The following SEMA6D variants were observed in gnomAD, a reference collection of about 807,000 sequenced individuals.
The protein encoded by SEMA6D is semaphorin 6D.
In SEMA6D, 35 loss-of-function variants were observed where a neutral mutation model predicts 106.6. The observed-to-expected ratio is 0.33, with a 90% CI of 0.25 to 0.44. The LOEUF (loss-of-function observed/expected upper bound fraction) is 0.44. Ranked by LOEUF, SEMA6D falls within the 20% of genes least tolerant of loss-of-function variation. SEMA6D has a pLI of 1.00. For synonymous variants in SEMA6D, 499 were observed against 487.7 expected (o/e 1.02, Z -0.31); for missense variants, 1,185 against 1,345.9 (o/e 0.88, Z 1.87).
chr15:47,589,076 G>A (rs1359014756), intron 3 of SEMA6D, among the ~76,000 whole-genome samples: 3 of 152,164 alleles, frequency 2.0e-5, no homozygotes, highest in Non-Finnish European at 4.4e-5. Context: ...AATGAAAGGT[G>A]TTTCATGTTC....
chr15:47,672,446 G>A lies in SEMA6D; in HGVS notation c.-55+71550G>A, dbSNP rs114580309. Among the ~76,000 whole-genome samples, 947 of 152,290 alleles carry A rather than the reference G, an allele frequency of 6.2e-3. 11 individuals carry two copies. Among genetic ancestry groups the A allele is most frequent in the African/African-American group, 0.021 (893 of 41,556 alleles). On this transcript the variant is annotated intron_variant, in intron 4 of 19. Coordinates refer to the SEMA6D transcript ENST00000558014. ...GAAAAAGCCGAAGTTATACATAAAAGTCAATCACATGGTAACTTAAACTCT... is the reference window on the plus strand; with the variant it reads ...GAAAAAGCCGAAGTTATACATAAAAATCAATCACATGGTAACTTAAACTCT...
chr15:47,643,225 T>C (rs2077521813), intron 4 of SEMA6D, among the ~76,000 whole-genome samples: 1 of 152,238 alleles, frequency 6.6e-6, no homozygotes, highest in Non-Finnish European at 1.5e-5. Context: ...TGCAGAGGAC[T>C]CTTTAAGACT....
chr15:47,759,258 C>T (rs1219381147), intron 1 of SEMA6D, among the ~76,000 whole-genome samples: 1 of 152,086 alleles, frequency 6.6e-6, no homozygotes, highest in Non-Finnish European at 1.5e-5. Flanking sequence ...TTGGCAACAC[C>T]ATAAGCAAAG....
At chr15:47,722,409 G>A (rs73394829) in intron 1 of SEMA6D, among the ~76,000 whole-genome samples, 452 of 152,212 alleles carry the variant, frequency 3.0e-3, no homozygotes, top group African/African-American at 0.01. Flanking sequence ...AACACGCGAT[G>A]TACCTAAATA....
At chr15:47,397,437 A>G (rs1567051338) in intron 1 of SEMA6D, 1 of 152,202 alleles carries the variant, frequency 6.6e-6, no homozygotes, top group Non-Finnish European at 1.5e-5. Context: ...CTATCAATGA[A>G]CAAAGAATCT....
intron 1 of SEMA6D, among the ~76,000 whole-genome samples, chr15:47,345,942 G>A (rs2038028488): frequency 6.6e-6 from 1 of 152,002 alleles, no homozygotes; most frequent in African/African-American, 2.4e-5. Flanking sequence ...AAATTTATTA[G>A]GCTATACCTT....
intron 1 of SEMA6D, among the ~76,000 whole-genome samples, chr15:47,386,851 T>G (rs1479518217): frequency 6.6e-6 from 1 of 152,198 alleles, no homozygotes; most frequent in East Asian, 1.9e-4. Flanking sequence ...TACAGGCCAG[T>G]TGGGCTTAGA....
chr15:47,568,307 A>C (rs925928000), intron 3 of SEMA6D, among the ~76,000 whole-genome samples: 1 of 152,136 alleles, frequency 6.6e-6, no homozygotes, highest in Admixed American at 6.6e-5. Context: ...AGCAATGTCT[A>C]TAATAGTATA....
intron 1 of SEMA6D, among the ~76,000 whole-genome samples, chr15:47,736,627 C>G (rs2080462529): frequency 6.6e-6 from 1 of 152,086 alleles, no homozygotes; most frequent in African/African-American, 2.4e-5. Context: ...AGAAAATGTC[C>G]TTACTTCCTG....
At chr15:47,496,445 C>G (rs1304516238) in intron 3 of SEMA6D, among the ~76,000 whole-genome samples, 1 of 152,030 alleles carries the variant, frequency 6.6e-6, no homozygotes, top group African/African-American at 2.4e-5. Flanking sequence ...TAGTTACCCA[C>G]TCTACTGTAA....
intron 3 of SEMA6D, among the ~76,000 whole-genome samples, chr15:47,509,608 A>G (rs1303841557): frequency 6.6e-6 from 1 of 152,130 alleles, no homozygotes; most frequent in Non-Finnish European, 1.5e-5. Context: ...ATCCCAAAAC[A>G]TTGTGGCTGC....
At chr15:47,619,450 G>A (rs2077061789) in intron 4 of SEMA6D, among the ~76,000 whole-genome samples, 1 of 152,198 alleles carries the variant, frequency 6.6e-6, no homozygotes, top group South Asian at 2.1e-4. Flanking sequence ...ATGAGGACGT[G>A]TTCCTTGGTC....
At chr15:47,526,768 G>T (rs571377126) in intron 3 of SEMA6D, among the ~76,000 whole-genome samples, 2 of 151,696 alleles carry the variant, frequency 1.3e-5, no homozygotes, top group Admixed American at 6.6e-5. Context: ...ACGGAGTCTC[G>T]CACTGTCACC....
chr15:47,603,099 G>T (rs1305794486), intron 4 of SEMA6D, among the ~76,000 whole-genome samples: 1 of 152,196 alleles, frequency 6.6e-6, no homozygotes, highest in Admixed American at 6.5e-5. Context: ...ATTATGTGAA[G>T]ATACTGGTGT....
intron 1 of SEMA6D, among the ~76,000 whole-genome samples, chr15:47,340,676 G>A (rs1392862406): frequency 1.3e-5 from 2 of 152,184 alleles, no homozygotes; most frequent in African/African-American, 2.4e-5. Flanking sequence ...TCATGCCTAC[G>A]TGAGATTGGG....
At chr15:47,361,193 G>T (rs1432901138) in intron 1 of SEMA6D, among the ~76,000 whole-genome samples, 1 of 152,136 alleles carries the variant, frequency 6.6e-6, no homozygotes, top group African/African-American at 2.4e-5. Flanking sequence ...TGCATTTTAG[G>T]GGTCCAGCTA....
intron 4 of SEMA6D, among the ~76,000 whole-genome samples, chr15:47,602,695 A>G (rs1437183308): frequency 6.6e-6 from 1 of 152,162 alleles, no homozygotes; most frequent in Non-Finnish European, 1.5e-5. Flanking sequence ...TCTTGTCCTG[A>G]ATCAAGCCTG....
At chr15:47,549,873 T>G (rs1036157496) in intron 3 of SEMA6D, among the ~76,000 whole-genome samples, 1 of 152,196 alleles carries the variant, frequency 6.6e-6, no homozygotes, top group African/African-American at 2.4e-5. Flanking sequence ...GTATCCTTCA[T>G]TCCTTGGATT....
At chr15:47,600,357 T>C (rs974576918) in intron 3 of SEMA6D, among the ~76,000 whole-genome samples, 2 of 152,142 alleles carry the variant, frequency 1.3e-5, no homozygotes, top group East Asian at 3.9e-4. Context: ...AACCTATTGG[T>C]AATGTGTGTT....
Sources: allele counts gnomAD v4.1 joint callset (sites outside exome capture counted in the v4.1 genomes callset), GRCh38; gene constraint gnomAD v4.1.1; transcripts MANE v1.5; gene names NCBI Gene and HGNC (gene_info 2026-07-23, HGNC 2026-07-21).